Variants in OPCML observed in about 807,000 individuals in gnomAD.
The protein encoded by OPCML is opioid binding protein/cell adhesion molecule like.
A neutral mutation model predicts 37.8 loss-of-function variants in OPCML; 13 were observed. The ratio of observed to expected loss-of-function variants is 0.34; its 90% CI spans 0.22 to 0.55. OPCML has a LOEUF of 0.55. Among genes scored for constraint, OPCML ranks in the 20% least tolerant of loss-of-function variants. The pLI, the probability that OPCML is intolerant of heterozygous loss-of-function variation, is 0.91. For synonymous variants in OPCML, 176 were observed against 168.8 expected (o/e 1.04, Z -0.33); for missense variants, 341 against 435.6 (o/e 0.78, Z 1.93).
intron 1 of OPCML, among the ~76,000 whole-genome samples, chr11:133,188,442 G>A (rs1204889887): frequency 3.9e-5 from 6 of 152,016 alleles, no homozygotes; most frequent in African/African-American, 7.2e-5. Context: ...ACTCCATCGC[G>A]ATCCACATTG....
At chr11:133,473,083 G>A (rs1268861954) in intron 1 of OPCML, among the ~76,000 whole-genome samples, 1 of 152,178 alleles carries the variant, frequency 6.6e-6, no homozygotes, top group Non-Finnish European at 1.5e-5. Context: ...AGCTCACAAA[G>A]GCTGAGACTT....
intron 1 of OPCML, among the ~76,000 whole-genome samples, chr11:133,092,063 G>C (rs889873877): frequency 1.3e-5 from 2 of 152,126 alleles, no homozygotes; most frequent in African/African-American, 4.8e-5. Flanking sequence ...TCATGAATGA[G>C]ATTAGCAACC....
chr11:132,687,968 A>C (rs1943237318), intron 2 of OPCML, among the ~76,000 whole-genome samples: 1 of 152,162 alleles, frequency 6.6e-6, no homozygotes. Flanking sequence ...GACTTAAAAA[A>C]TCTAGGGATA....
intron 1 of OPCML, among the ~76,000 whole-genome samples, chr11:133,010,424 A>G (rs1026185886): frequency 6.6e-6 from 1 of 152,234 alleles, no homozygotes; most frequent in African/African-American, 2.4e-5. Context: ...GAACACTTGT[A>G]AGAGGTGGAA....
intron 3 of OPCML, among the ~76,000 whole-genome samples, chr11:132,619,616 G>C (rs1039497449): frequency 1.3e-5 from 2 of 150,752 alleles, no homozygotes; most frequent in African/African-American, 4.9e-5. Context: ...GAGGCAGACG[G>C]ATCACGAGGT....
intron 4 of OPCML, among the ~76,000 whole-genome samples, chr11:132,463,498 T>C (rs1262874244): frequency 1.3e-5 from 2 of 152,210 alleles, no homozygotes; most frequent in African/African-American, 4.8e-5. Flanking sequence ...CTGAAGAGCA[T>C]CTGTAGTTTA....
intron 3 of OPCML, among the ~76,000 whole-genome samples, chr11:132,588,494 A>T (rs2096477905): frequency 1.3e-5 from 2 of 152,146 alleles, no homozygotes; most frequent in Non-Finnish European, 1.5e-5. Context: ...AGGAAACAAG[A>T]CCATTCCAAA....
chr11:133,289,858 T>C (rs1414476043), intron 1 of OPCML, among the ~76,000 whole-genome samples: 1 of 152,092 alleles, frequency 6.6e-6, no homozygotes, highest in Non-Finnish European at 1.5e-5. Context: ...TCTCTCCTCA[T>C]CATATAACTG....
chr11:132,576,760 G>A (rs1223846527), intron 3 of OPCML, among the ~76,000 whole-genome samples: 4 of 152,034 alleles, frequency 2.6e-5, no homozygotes, highest in Non-Finnish European at 5.9e-5. Context: ...TACAGGAGAC[G>A]ACTCCTACCA....
chr11:132,944,766 G>A (rs1219901214), intron 1 of OPCML, among the ~76,000 whole-genome samples: 1 of 152,134 alleles, frequency 6.6e-6, no homozygotes, highest in African/African-American at 2.4e-5. Context: ...CCAGAGCTCC[G>A]CTTCCCTTGG....
chr11:133,335,826 G>C (rs1034643314), intron 1 of OPCML, among the ~76,000 whole-genome samples: 20 of 152,012 alleles, frequency 1.3e-4, no homozygotes. Context: ...CTGATAACCC[G>C]TTGAGGTCCA....
chr11:132,913,472 G>A (rs1290415348), intron 2 of OPCML, among the ~76,000 whole-genome samples: 6 of 152,056 alleles, frequency 3.9e-5, no homozygotes, highest in African/African-American at 9.7e-5. Flanking sequence ...TTCTACCATC[G>A]AAAGCAATTT....
intron 1 of OPCML, among the ~76,000 whole-genome samples, chr11:133,030,574 G>T (rs1466001471): frequency 6.6e-6 from 1 of 152,164 alleles, no homozygotes; most frequent in Admixed American, 6.5e-5. Context: ...CCACAAGAAT[G>T]AAGTGCAAGA....
intron 1 of OPCML, among the ~76,000 whole-genome samples, chr11:133,147,413 G>C (rs928830598): frequency 6.6e-6 from 1 of 152,060 alleles, no homozygotes; most frequent in African/African-American, 2.4e-5. Flanking sequence ...TCTGGGAGGT[G>C]CATCTTGAGC....
chr11:132,993,225 A>G (rs1245166734), intron 1 of OPCML, among the ~76,000 whole-genome samples: 1 of 152,204 alleles, frequency 6.6e-6, no homozygotes, highest in African/African-American at 2.4e-5. Flanking sequence ...TTGCATACAC[A>G]TGCATGTGCT....
Position 132,552,763 on chromosome 11 carries a change from C to CTTTTTTTTTTTTTTTTTT in OPCML, c.380-23578_380-23577insAAAAAAAAAAAAAAAAAA, listed in dbSNP as rs562056846. Among the ~76,000 whole-genome samples, 517 of 92,752 alleles carry CTTTTTTTTTTTTTTTTTT rather than the reference C, an allele frequency of 5.6e-3. 137 individuals carry two copies. The highest frequency in any genetic ancestry group is 0.02 in the African/African-American group (349 of 17,818). 60.8% of individuals were successfully genotyped at this position (92,752 alleles called of 152,430 possible). A position where few individuals can be genotyped will look rare whatever the true frequency, so the allele number is the denominator to read the frequency against. ...TAGTCAAACTAAATTAAACACTACT[C>CTTTTTTTTTTTTTTTTTT]TTTTTTTTTTTTTTTTGAGACCGAG... On this transcript the variant is annotated intron_variant, in intron 3 of 7. Coordinates refer to ENST00000524381, the MANE Select transcript of OPCML (RefSeq NM_001012393.5).
chr11:132,895,718 G>A (rs778478921), intron 2 of OPCML, among the ~76,000 whole-genome samples: 2 of 152,152 alleles, frequency 1.3e-5, no homozygotes, highest in African/African-American at 2.4e-5. Context: ...GTCTGAAGGA[G>A]TTAACCCTGC....
intron 2 of OPCML, chr11:132,657,547 A>C: frequency 1.1e-5 from 5 of 470,738 alleles, no homozygotes; most frequent in Non-Finnish European, 1.4e-5. Flanking sequence ...TGACTTCGAG[A>C]CATATTATGT....
At chr11:132,827,360 A>G (rs1260373466) in intron 2 of OPCML, among the ~76,000 whole-genome samples, 1 of 152,226 alleles carries the variant, frequency 6.6e-6, no homozygotes, top group African/African-American at 2.4e-5. Flanking sequence ...ACAATGAAAT[A>G]TCACTACACA....
Sources: gnomAD v4.1 joint callset for allele counts (sites outside exome capture counted in the v4.1 genomes callset) on GRCh38, gnomAD v4.1.1 for gene constraint, MANE v1.5 for transcripts, NCBI Gene and HGNC (gene_info 2026-07-23, HGNC 2026-07-21) for gene names.